TMEM132D: variants seen among roughly 807,000 people sequenced by gnomAD.
TMEM132D encodes transmembrane protein 132D, also known as mature OL transmembrane protein.
A neutral mutation model predicts 62.3 loss-of-function variants in TMEM132D; 21 were observed. The observed-to-expected ratio is 0.34, with a 90% CI of 0.24 to 0.49. The LOEUF is 0.49. TMEM132D is among the 20% of genes least tolerant of loss of function. The probability of loss-of-function intolerance (pLI) is 0.99; values close to 1 mark genes in which losing one functional copy is unlikely to be tolerated. For missense variants in TMEM132D, 1,346 were observed against 1,402.8 expected (o/e 0.96, Z 0.65); for synonymous variants, 621 against 575.6 (o/e 1.08, Z -1.13).
At chr12:129,149,782 G>A (rs1035772463) in intron 5 of TMEM132D, among the ~76,000 whole-genome samples, 1 of 152,180 alleles carries the variant, frequency 6.6e-6, no homozygotes, top group African/African-American at 2.4e-5. Flanking sequence ...AACCACAGTG[G>A]GTGGTCACCT....
Position 129,903,904 on chromosome 12 carries a change from GGCGC to G in TMEM132D, c.-569_-566del, listed in dbSNP as rs1018567593. On this transcript the variant is annotated 5_prime_UTR_variant, in exon 1 of 9. Coordinates refer to ENST00000422113, the MANE Select transcript of TMEM132D (RefSeq NM_133448.3). This position sits in a 1 kb window ranked among gnomAD's most constrained non-coding sequence, Gnocchi z 6.2. ...GCCGGCCGCTGCGCCTCGGGGCTCG[GGCGC>G]GCGCGCGCTCCGGCACCCAAAGTTT... is the stretch of plus-strand genomic sequence containing the variant. Among the ~76,000 whole-genome samples the G allele has an allele frequency of 6.8e-6, 1 of 146,904 alleles. No homozygotes were observed. The highest frequency in any genetic ancestry group is 2.0e-4 in the East Asian group (1 of 4,996).
intron 3 of TMEM132D, among the ~76,000 whole-genome samples, chr12:129,436,088 G>T (rs1872778744): frequency 6.6e-6 from 1 of 152,112 alleles, no homozygotes; most frequent in Non-Finnish European, 1.5e-5. Flanking sequence ...GTGCAGCTGT[G>T]AGGGTCGGAG....
At chr12:129,324,564 C>G (rs1469702446) in intron 4 of TMEM132D, among the ~76,000 whole-genome samples, 1 of 152,196 alleles carries the variant, frequency 6.6e-6, no homozygotes, top group Admixed American at 6.5e-5. Flanking sequence ...GGGGCAGTGG[C>G]TCACACCTGT....
chr12:129,366,084 CTAAA>C (rs886889796), intron 3 of TMEM132D, among the ~76,000 whole-genome samples: 22 of 151,872 alleles, frequency 1.4e-4, no homozygotes, highest in African/African-American at 2.9e-4. Flanking sequence ...CTTAAAATTA[CTAAA>C]TAAATAAAAT....
At chr12:129,186,806 C>T (rs1192116813) in intron 5 of TMEM132D, among the ~76,000 whole-genome samples, 3 of 152,210 alleles carry the variant, frequency 2.0e-5, no homozygotes, top group Non-Finnish European at 4.4e-5. Context: ...ATAGCAACTA[C>T]AACGTCATTG....
chr12:129,837,705 G>A (rs997536941), intron 1 of TMEM132D, among the ~76,000 whole-genome samples: 2 of 152,096 alleles, frequency 1.3e-5, no homozygotes, highest in South Asian at 2.1e-4. Context: ...AACCCAAAAC[G>A]TAAACGCAGA....
rs550405683 is a variant in TMEM132D, at chr12:129,527,546, G to A, written c.1115+3513C>T. Among the ~76,000 whole-genome samples the A allele has an allele frequency of 2.0e-5, 3 of 152,128 alleles. No homozygotes were observed. The South Asian group carries it at 6.2e-4, about 32-fold the overall frequency. On this transcript the variant is annotated intron_variant, in intron 3 of 8. Coordinates refer to ENST00000422113, the MANE Select transcript of TMEM132D (RefSeq NM_133448.3). ...GTCTTGCTGGAGAACTTAAATAAAT[G>A]TAAGTTTTTCTCATTCAAGTATACT... is the stretch of plus-strand genomic sequence containing the variant.
chr12:129,276,714 T>C (rs1184206140), intron 4 of TMEM132D, among the ~76,000 whole-genome samples: 1 of 152,250 alleles, frequency 6.6e-6, no homozygotes, highest in Admixed American at 6.5e-5. Context: ...TACTAAGTGT[T>C]TATTATTTAA....
chr12:129,486,656 T>C (rs1312875381), intron 3 of TMEM132D, among the ~76,000 whole-genome samples: 4 of 152,222 alleles, frequency 2.6e-5, no homozygotes, highest in Non-Finnish European at 5.9e-5. Flanking sequence ...GATGTGAGGA[T>C]TGTGATGTCC....
chr12:129,703,952 T>C (rs1165735970), intron 1 of TMEM132D, among the ~76,000 whole-genome samples: 1 of 148,058 alleles, frequency 6.8e-6, no homozygotes, highest in Non-Finnish European at 1.5e-5. Flanking sequence ...ACATCCATGC[T>C]GAAAATTAGG....
At chr12:129,402,719 G>C (rs1871658830) in intron 3 of TMEM132D, among the ~76,000 whole-genome samples, 1 of 152,140 alleles carries the variant, frequency 6.6e-6, no homozygotes, top group Non-Finnish European at 1.5e-5. Context: ...AAATTGAAGG[G>C]TAGAGAAATT....
At chr12:129,104,552 T>TTTC in intron 5 of TMEM132D, among the ~76,000 whole-genome samples, 1 of 152,178 alleles carries the variant, frequency 6.6e-6, no homozygotes, top group African/African-American at 2.4e-5. Flanking sequence ...GGGATCTAAT[T>TTTC]AAACTCAAGA....
intron 5 of TMEM132D, among the ~76,000 whole-genome samples, chr12:129,114,504 A>T (rs1033005541): frequency 1.3e-5 from 2 of 151,538 alleles, no homozygotes; most frequent in African/African-American, 2.4e-5. Flanking sequence ...CTGTAAAAAA[A>T]CTTTTAATTT....
rs1306447870 is a variant in TMEM132D at position 129,301,365 on chromosome 12, T to A, written c.1299+36269A>T. ...TGAGCTATGGGGGCTCAAAGCTGCA[T>A]CCTCTCACCTCCTTCTCTCCCTGTG... On this transcript the variant is annotated intron_variant, in intron 4 of 8. Transcript: ENST00000422113. Among the ~76,000 whole-genome samples the A allele has an allele frequency of 2.0e-5, 3 of 152,212 alleles. No individual in the cohort carries two copies. In the East Asian group the frequency reaches 5.8e-4, roughly 29 times the overall value.
intron 5 of TMEM132D, among the ~76,000 whole-genome samples, chr12:129,132,093 A>G (rs1175897340): frequency 2.6e-5 from 4 of 152,178 alleles, no homozygotes; most frequent in Non-Finnish European, 2.9e-5. Flanking sequence ...TTTATTTGCA[A>G]TAAGTAATTT....
chr12:129,610,567 G>A (rs975754028), intron 2 of TMEM132D, among the ~76,000 whole-genome samples: 1 of 152,092 alleles, frequency 6.6e-6, no homozygotes, highest in African/African-American at 2.4e-5. Flanking sequence ...TCGTGGGGTT[G>A]GGTTTCTGTT....
At chr12:129,512,678 C>A (rs1032409069) in intron 3 of TMEM132D, among the ~76,000 whole-genome samples, 2 of 152,192 alleles carry the variant, frequency 1.3e-5, no homozygotes, top group African/African-American at 2.4e-5. Context: ...CTGTTTCCAA[C>A]GAGGCTCACT....
chr12:129,359,686 T>C (rs1387172071), intron 3 of TMEM132D, among the ~76,000 whole-genome samples: 1 of 152,124 alleles, frequency 6.6e-6, no homozygotes, highest in East Asian at 1.9e-4. Flanking sequence ...ACTTTAAAAA[T>C]AACCAAATAA....
intron 3 of TMEM132D, among the ~76,000 whole-genome samples, chr12:129,416,649 C>G (rs973389551): frequency 6.6e-5 from 10 of 152,134 alleles, no homozygotes; most frequent in Non-Finnish European, 1.5e-4. Context: ...AAGGGAATGC[C>G]TCCAGTTTTT....
Sources: gnomAD v4.1 joint callset for allele counts (sites outside exome capture counted in the v4.1 genomes callset) on GRCh38, gnomAD v4.1.1 for gene constraint, Gnocchi (gnomAD v3.1) non-coding constraint, MANE v1.5 for transcripts, NCBI Gene and HGNC (gene_info 2026-07-23, HGNC 2026-07-21) for gene names.